SYMPK: variants seen among roughly 807,000 people sequenced by gnomAD.
SYMPK encodes the protein symplekin scaffold protein.
SYMPK carries 49 observed loss-of-function variants against 136.4 expected under a neutral mutation model. The observed-to-expected ratio is 0.36, with a 90% confidence interval of 0.29 to 0.46. SYMPK has a LOEUF of 0.46. SYMPK is among the 20% of genes least tolerant of loss of function. The pLI is 1.00. For synonymous variants in SYMPK, 766 were observed against 713.0 expected (o/e 1.07, Z -1.19); for missense variants, 1,365 against 1,690.0 (o/e 0.81, Z 3.37).
In SYMPK at chr19:45,822,856, G is replaced by A. The variant is rs1600494401; in HGVS notation, c.2701-10C>T. The A allele has an allele frequency of 1.9e-6, 3 of 1,604,850 alleles. No homozygotes were observed. The African/African-American group carries it at 4.0e-5, about 21-fold the overall frequency. ...CCTGGATCACCTCTTTCTACAGGGAGAAGGTGGTGGGGGTGGGAGTTGAGT... is the reference window on the plus strand; with the variant it reads ...CCTGGATCACCTCTTTCTACAGGGAAAAGGTGGTGGGGGTGGGAGTTGAGT... On this transcript the variant is annotated splice_polypyrimidine_tract_variant and intron_variant, in intron 20 of 26. Transcript: ENST00000245934.
At chr19:45,826,096 G>C (rs1423653156) in intron 17 of SYMPK, 130 bp downstream of exon 17, 23 of 1,379,300 alleles carry the variant, frequency 1.7e-5, no homozygotes, top group Non-Finnish European at 2.2e-5. Flanking sequence ...CAGCCCCCAG[G>C]TGGCTGTCCC....
chr19:45,835,807 G>C (rs762318877), intron 10 of SYMPK, among the ~76,000 whole-genome samples: 4 of 152,036 alleles, frequency 2.6e-5, no homozygotes, highest in Admixed American at 6.6e-5. Flanking sequence ...AGCTACTCGG[G>C]AGGCTGAGGC....
rs144181896 is a variant in SYMPK, at chr19:45,826,257, C to T, written c.2298G>A (p.Pro766=). 21 of 1,613,154 alleles carry T rather than the reference C, an allele frequency of 1.3e-5. No homozygotes were observed. The highest frequency in any genetic ancestry group is 3.3e-5 in the South Asian group (3 of 90,848). The change falls in exon 17 of 27, where the codon CCG becomes CCA. Residue 766 remains proline, a synonymous_variant. Coordinates refer to ENST00000245934, the MANE Select transcript of SYMPK (RefSeq NM_004819.3). ...YLQLLVHPNP[P]SVLFGADKDT... Reference sequence around the variant, plus strand: ...CCTTGTCAGCTCCAAACAGCACAGACGGTGGGTTGGGGTGCACCAGGAGCT... The same window carrying T: ...CCTTGTCAGCTCCAAACAGCACAGATGGTGGGTTGGGGTGCACCAGGAGCT...
At chr19:45,825,448 G>C in intron 17 of SYMPK, 117 bp from the exon 18 acceptor site, 2 of 1,284,702 alleles carry the variant, frequency 1.6e-6, no homozygotes, top group African/African-American at 1.5e-5. Flanking sequence ...GGGAGCCGGG[G>C]CTGGGGAGCT....
chr19:45,822,112 CTTCTTT>C (rs1260257405), intron 21 of SYMPK, among the ~76,000 whole-genome samples: 8 of 99,806 alleles, frequency 8.0e-5, no homozygotes, highest in Admixed American at 1.5e-4. Context: ...GAAAGTTTTG[CTTCTTT>C]TTTTTTTTTT....
intron 15 of SYMPK, 89 bp from the exon 16 acceptor site, chr19:45,827,712 G>A: frequency 2.0e-6 from 3 of 1,490,100 alleles, no homozygotes; most frequent in Non-Finnish European, 2.8e-6. Context: ...TCAGGTACCT[G>A]GACAAAAGGG....
chr19:45,831,241 G>C, intron 12 of SYMPK, 143 bp downstream of exon 12: 2 of 528,470 alleles, frequency 3.8e-6, no homozygotes, highest in Non-Finnish European at 6.2e-6. Flanking sequence ...TCGGGAGTCA[G>C]AGAGAACCTA....
chr19:45,833,118 G>A (rs574264950), intron 11 of SYMPK, among the ~76,000 whole-genome samples: 79 of 151,644 alleles, frequency 5.2e-4, no homozygotes, highest in Non-Finnish European at 9.9e-4. Flanking sequence ...CAGGAGAATC[G>A]CTTGAATCCA....
At chr19:45,859,863 G>A (rs552736964) in intron 1 of SYMPK, among the ~76,000 whole-genome samples, 30 of 145,242 alleles carry the variant, frequency 2.1e-4, no homozygotes, top group South Asian at 4.3e-4. Context: ...GCAACACAGC[G>A]ACACACCATC....
At position 45,816,263 on chromosome 19, in the gene SYMPK, G is replaced by C; in HGVS notation, c.3355-80C>G. ...CCGGAAAGAGAAGGAACCACCCTGAGGTGGTCTTTGAGTTCTTCACCAAGA... is the reference window on the plus strand; with the variant it reads ...CCGGAAAGAGAAGGAACCACCCTGACGTGGTCTTTGAGTTCTTCACCAAGA... On this transcript the variant is annotated intron_variant, in intron 25 of 26. Coordinates refer to ENST00000245934, the MANE Select transcript of SYMPK (RefSeq NM_004819.3). The C allele has an allele frequency of 1.0e-5, 12 of 1,186,696 alleles. 1 individual carries two copies. In the South Asian group the frequency reaches 1.9e-4, roughly 19 times the overall value. 73.5% of individuals were successfully genotyped at this position (1,186,696 alleles called of 1,614,324 possible).
intron 8 of SYMPK, among the ~76,000 whole-genome samples, chr19:45,843,623 G>A (rs1971495242): frequency 1.3e-5 from 2 of 152,076 alleles, no homozygotes; most frequent in Admixed American, 6.6e-5. Context: ...AGCGCTCGGG[G>A]TCCACCACGG....
At chr19:45,817,724 G>A (rs1970786809) in intron 23 of SYMPK, among the ~76,000 whole-genome samples, 2 of 152,186 alleles carry the variant, frequency 1.3e-5, no homozygotes, top group African/African-American at 4.8e-5. Flanking sequence ...GCCTCTCCCG[G>A]GTGCACACCC....
intron 8 of SYMPK, chr19:45,842,899 A>C: frequency 5.3e-6 from 1 of 189,992 alleles, no homozygotes. Flanking sequence ...CTGATAAGTG[A>C]GCCTCCCCTG....
intron 1 of SYMPK, among the ~76,000 whole-genome samples, chr19:45,858,573 T>C (rs1263863253): frequency 6.6e-6 from 1 of 151,978 alleles, no homozygotes; most frequent in Non-Finnish European, 1.5e-5. Context: ...TGGAGTGCAA[T>C]GGCGTGATCT....
Position 45,816,138 on chromosome 19 carries a change from G to A in SYMPK, c.3400C>T (p.Pro1134Ser), listed in dbSNP as rs749097247. Residue 1134 changes from proline to serine, a missense_variant, in exon 26 of 27, where the codon CCC (proline) becomes TCC (serine). Coordinates refer to ENST00000245934, the MANE Select transcript of SYMPK (RefSeq NM_004819.3). ...LTLAPAPAPRPPQDLIGLRLA... is the reference protein window; with the variant it reads ...LTLAPAPAPRSPQDLIGLRLA... ...CGCAGGCCGATGAGGTCCTGAGGGGGCCGGGGTGCTGGGGCCGGGGCCAAG... is the reference window on the plus strand; with the variant it reads ...CGCAGGCCGATGAGGTCCTGAGGGGACCGGGGTGCTGGGGCCGGGGCCAAG... 2.6e-6 allele frequency: 4 copies of A among 1,549,326 alleles called. No homozygotes were observed. The South Asian group carries it at 4.7e-5, about 18-fold the overall frequency.
At position 45,854,484 on chromosome 19, in the gene SYMPK, G is replaced by A; in HGVS notation, c.12C>T (p.Gly4=). 12 of 1,613,794 alleles carry A rather than the reference G, an allele frequency of 7.4e-6. No individual in the cohort carries two copies. Among genetic ancestry groups the A allele is most frequent in the Non-Finnish European group, 1.0e-5 (12 of 1,180,006 alleles). Residue 4 remains glycine, a synonymous_variant, in exon 2 of 27, where the codon GGC becomes GGT. Coordinates refer to ENST00000245934, the MANE Select transcript of SYMPK (RefSeq NM_004819.3). ...TCCGACGGGTGACGCTGTCTCCACTGCCGCTCGCCATGGCTGCTGTCAGCT... is the reference window on the plus strand; with the variant it reads ...TCCGACGGGTGACGCTGTCTCCACTACCGCTCGCCATGGCTGCTGTCAGCT... MAS[G]SGDSVTRRSV...
At chr19:45,822,704 C>G in intron 21 of SYMPK, 52 bp downstream of exon 21, 1 of 1,544,738 alleles carries the variant, frequency 6.5e-7, no homozygotes, top group East Asian at 2.2e-5. Context: ...CCTTCTGCCC[C>G]AGCACCTGGG....
rs145042328 is a variant in SYMPK at position 45,851,846 on chromosome 19, C to A, written c.299+466G>T. Among the ~76,000 whole-genome samples the A allele has an allele frequency of 2.5e-3, 387 of 152,246 alleles. 3 individuals carry two copies. The highest frequency in any genetic ancestry group is 9.0e-3 in the African/African-American group (372 of 41,518). ...CCGAGATTGCGCCACTGCACTCAAG[C>A]CTGGACAACAGTTGAGCGAGACTCC... On this transcript the variant is annotated intron_variant, in intron 5 of 26. Coordinates refer to ENST00000245934, the MANE Select transcript of SYMPK (RefSeq NM_004819.3).
chr19:45,835,295 A>G (rs1185351139), intron 10 of SYMPK, 67 bp from the exon 11 acceptor site: 3 of 1,468,994 alleles, frequency 2.0e-6, no homozygotes, highest in Admixed American at 2.2e-5. Context: ...TTCCATGCCC[A>G]TGCCAATACT....
Sources: gnomAD v4.1 joint callset for allele counts (sites outside exome capture counted in the v4.1 genomes callset) on GRCh38, gnomAD v4.1.1 for gene constraint, MANE v1.5 for transcripts, NCBI Gene and HGNC (gene_info 2026-07-23, HGNC 2026-07-21) for gene names.